FOXP2: variants seen among roughly 807,000 people sequenced by gnomAD.
The protein encoded by FOXP2 is forkhead box P2.
FOXP2 carries 12 observed loss-of-function variants against 115.8 expected under a neutral mutation model. The observed-to-expected ratio is 0.10, with a 90% CI of 0.07 to 0.17. FOXP2 has a LOEUF of 0.17. Among genes scored for constraint, FOXP2 ranks in the 10% least tolerant of loss-of-function variants. FOXP2 has a pLI of 1.00. For synonymous variants in FOXP2, 328 were observed against 297.7 expected (o/e 1.10, Z -1.05); for missense variants, 629 against 843.5 (o/e 0.75, Z 3.15).
chr7:114,116,572 A>G (rs1379909030), intron 1 of FOXP2, among the ~76,000 whole-genome samples: 2 of 152,146 alleles, frequency 1.3e-5, no homozygotes, highest in South Asian at 4.1e-4. Context: ...GAGAATAGGA[A>G]AATAAAGATT....
intron 2 of FOXP2, among the ~76,000 whole-genome samples, chr7:114,323,137 A>G (rs1055206725): frequency 2.0e-5 from 3 of 152,136 alleles, no homozygotes; most frequent in African/African-American, 7.2e-5. Flanking sequence ...TCTACCATCT[A>G]TGGGTATACA....
chr7:114,330,494 A>G (rs1393892119), intron 2 of FOXP2, among the ~76,000 whole-genome samples: 2 of 149,184 alleles, frequency 1.3e-5, no homozygotes, highest in African/African-American at 2.4e-5. Context: ...ATATATATAT[A>G]TATGTGTATA....
In FOXP2 at chr7:114,497,413, C is replaced by T. The variant is rs61661974; in HGVS notation, c.169-37204C>T. On this transcript the variant is annotated intron_variant, in intron 2 of 16. Transcript: ENST00000350908. ...TTGTAATCTGAGCACTTTGAGAGGC[C>T]GAGGCACCAGGATCACCTGAGGTCA... Among the ~76,000 whole-genome samples, 362 of 152,184 alleles carry T rather than the reference C, an allele frequency of 2.4e-3. 9 individuals carry two copies. The East Asian group carries it at 0.064, about 27-fold the overall frequency.
intron 6 of FOXP2, among the ~76,000 whole-genome samples, chr7:114,632,432 T>A (rs1223234764): frequency 6.6e-6 from 1 of 152,206 alleles, no homozygotes; most frequent in Non-Finnish European, 1.5e-5. Flanking sequence ...AACAAATGAC[T>A]GTGTGCTAAA....
intron 2 of FOXP2, among the ~76,000 whole-genome samples, chr7:114,293,113 G>T (rs1055291607): frequency 1.1e-4 from 17 of 152,040 alleles, no homozygotes; most frequent in Non-Finnish European, 1.8e-4. Context: ...CCATTTTCTG[G>T]TTTTCACTCC....
chr7:114,641,988 T>C (rs144899383), intron 6 of FOXP2, among the ~76,000 whole-genome samples: 211 of 152,000 alleles, frequency 1.4e-3, no homozygotes, highest in Admixed American at 3.8e-3. Context: ...GTATTTTTAG[T>C]AGAGACAGGG....
chr7:114,347,948 A>G (rs1409540890), intron 2 of FOXP2, among the ~76,000 whole-genome samples: 1 of 152,076 alleles, frequency 6.6e-6, no homozygotes, highest in East Asian at 1.9e-4. Context: ...TCTAAATGGT[A>G]AAACAATTTT....
intron 3 of FOXP2, among the ~76,000 whole-genome samples, chr7:114,580,917 T>G (rs1563013340): frequency 6.6e-6 from 1 of 152,006 alleles, no homozygotes; most frequent in Non-Finnish European, 1.5e-5. Context: ...TCCCATAATT[T>G]TTAAGGAGAT....
At chr7:114,491,028 G>A (rs1449430126) in intron 2 of FOXP2, among the ~76,000 whole-genome samples, 1 of 152,138 alleles carries the variant, frequency 6.6e-6, no homozygotes, top group Non-Finnish European at 1.5e-5. Context: ...CCCAGTAATG[G>A]GATGGCTGGG....
intron 2 of FOXP2, among the ~76,000 whole-genome samples, chr7:114,405,718 T>G (rs1443645163): frequency 6.6e-6 from 1 of 151,900 alleles, no homozygotes; most frequent in Non-Finnish European, 1.5e-5. Flanking sequence ...TTAAGGTTGC[T>G]ACTGTTATCT....
At chr7:114,088,319 G>A (rs958282768) in intron 1 of FOXP2, 2 of 152,536 alleles carry the variant, frequency 1.3e-5, no homozygotes, top group African/African-American at 4.8e-5. Flanking sequence ...AAGGACCTGT[G>A]GGAGTGTGTA....
intron 16 of FOXP2, among the ~76,000 whole-genome samples, chr7:114,682,335 C>T (rs2129350734): frequency 6.6e-6 from 1 of 152,158 alleles, no homozygotes; most frequent in South Asian, 2.1e-4. Context: ...AGAAGTTAAT[C>T]AAAATACTAA....
At chr7:114,267,967 C>T (rs1266733279) in intron 1 of FOXP2, among the ~76,000 whole-genome samples, 1 of 151,892 alleles carries the variant, frequency 6.6e-6, no homozygotes, top group Non-Finnish European at 1.5e-5. Context: ...TCATTTCCTT[C>T]TCTCTCAAGT....
At chr7:114,675,435 A>G (rs1807701277) in intron 16 of FOXP2, among the ~76,000 whole-genome samples, 1 of 152,210 alleles carries the variant, frequency 6.6e-6, no homozygotes, top group South Asian at 2.1e-4. Flanking sequence ...AGCTCAGGAA[A>G]AGACATTTAA....
In FOXP2 at chr7:114,195,154, C is replaced by T. The variant is rs146286603; in HGVS notation, c.-102+32066C>T. ...TCACTTTTTACAGAGGGAGAGGAGC[C>T]GATGAATATTATAAGGAAAAGCAGA... On this transcript the variant is annotated intron_variant, in intron 1 of 17. Transcript: ENST00000634411. 4.8e-3 allele frequency among the ~76,000 whole-genome samples: 725 copies of T among 151,914 alleles called. 7 individuals carry two copies. The highest frequency in any genetic ancestry group is 0.016 in the African/African-American group (661 of 41,368).
Position 114,496,518 on chromosome 7 carries a change from C to G in FOXP2, c.169-38099C>G, listed in dbSNP as rs1359824452. Among the ~76,000 whole-genome samples the G allele has an allele frequency of 2.0e-5, 3 of 152,160 alleles. No homozygotes were observed. The South Asian group carries it at 6.2e-4, about 32-fold the overall frequency. ...GAAGGTAACATATTTACTGATAAAA[C>G]TAGCAAAAAGGCAGAGAGAGCAATT... On this transcript the variant is annotated intron_variant, in intron 2 of 16. Transcript: ENST00000350908.
intron 2 of FOXP2, among the ~76,000 whole-genome samples, chr7:114,441,840 TA>T (rs995589842): frequency 6.6e-6 from 1 of 152,166 alleles, no homozygotes; most frequent in East Asian, 1.9e-4. Flanking sequence ...ATAGCTACAG[TA>T]AAAAAAGACA....
chr7:114,461,150 T>G (rs1795542298), intron 2 of FOXP2, among the ~76,000 whole-genome samples: 1 of 152,182 alleles, frequency 6.6e-6, no homozygotes, highest in African/African-American at 2.4e-5. Context: ...ATACCTATCT[T>G]TGAGTTTAAA....
At position 114,513,755 on chromosome 7, in the gene FOXP2, A is replaced by G. The variant is rs557601390; in HGVS notation, c.169-20862A>G. 2.6e-5 allele frequency among the ~76,000 whole-genome samples: 4 copies of G among 152,206 alleles called. No individual in the cohort carries two copies. The East Asian group carries it at 7.7e-4, about 29-fold the overall frequency. On this transcript the variant is annotated intron_variant, in intron 2 of 16. Coordinates refer to ENST00000350908, the MANE Select transcript of FOXP2 (RefSeq NM_014491.4). Reference sequence around the variant, plus strand: ...GTAAACTATTTGTTCTTAAAGGTAAATTTCAGCTAAAAAGTCCTAATTTTT... The same window carrying G: ...GTAAACTATTTGTTCTTAAAGGTAAGTTTCAGCTAAAAAGTCCTAATTTTT...
Sources: gnomAD v4.1 joint callset for allele counts (sites outside exome capture counted in the v4.1 genomes callset) on GRCh38, gnomAD v4.1.1 for gene constraint, MANE v1.5 for transcripts, NCBI Gene and HGNC (gene_info 2026-07-23, HGNC 2026-07-21) for gene names.